The following CCSER2 variants were observed in gnomAD, a reference collection of about 807,000 sequenced individuals.
CCSER2 encodes serine-rich coiled-coil domain-containing protein 2.
Under a neutral mutation model 92.3 loss-of-function variants are expected in CCSER2, and 46 were observed. That is an observed-to-expected ratio of 0.50 (90% confidence interval 0.39 to 0.64). The LOEUF (loss-of-function observed/expected upper bound fraction) is 0.64. Among genes scored for constraint, CCSER2 ranks in the 30% least tolerant of loss-of-function variants. The pLI, the probability that CCSER2 is intolerant of heterozygous loss-of-function variation, is 0.00. For synonymous variants in CCSER2, 433 were observed against 431.4 expected, an observed-to-expected ratio of 1.00 and a Z score of -0.04; for missense variants, 1,244 against 1,238.9, an observed-to-expected ratio of 1.00 and a Z score of -0.06.
In CCSER2 at chr10:84,515,324, A is replaced by G. The variant is rs1849560925; in HGVS notation, c.*1057A>G. On this transcript the variant is annotated 3_prime_UTR_variant, in exon 10 of 10. Transcript: ENST00000372088. ...ATTTTCTATAGCAAAACAAGTTAAA[A>G]TATTTTGAGAAAAATAACAAATTTA... 2 of 152,652 alleles carry G rather than the reference A, an allele frequency of 1.3e-5. No individual in the cohort carries two copies. Among genetic ancestry groups the G allele is most frequent in the Non-Finnish European group, 2.9e-5 (2 of 68,050 alleles). The allele number at this position is 152,652 out of a possible 1,614,324, so 9.5% of individuals were successfully genotyped here. A position where few individuals can be genotyped will look rare whatever the true frequency, so the allele number is the denominator to read the frequency against.
At chr10:84,406,115 G>C (rs1842363483) in intron 3 of CCSER2, among the ~76,000 whole-genome samples, 1 of 152,172 alleles carries the variant, frequency 6.6e-6, no homozygotes, top group Admixed American at 6.5e-5. Context: ...GCAGTAAAAA[G>C]AAACCAATGA....
intron 3 of CCSER2, among the ~76,000 whole-genome samples, chr10:84,399,043 A>G (rs760110817): frequency 2.0e-5 from 3 of 152,296 alleles, no homozygotes; most frequent in Non-Finnish European, 2.9e-5. Flanking sequence ...TTTAAATTTA[A>G]TTTTTATATA....
At position 84,468,411 on chromosome 10, in the gene CCSER2, T is replaced by A. The variant is rs186136690; in HGVS notation, c.2149-1961T>A. 1.1e-3 allele frequency among the ~76,000 whole-genome samples: 168 copies of A among 152,330 alleles called. 1 individual carries two copies. The highest frequency in any genetic ancestry group is 1.8e-3 in the Admixed American group (28 of 15,302). ...TTGCCCTGATCTAATCACTATAAAT[T>A]ATATGTGTCAAAACATTACTGTGTA... On this transcript the variant is annotated intron_variant, in intron 7 of 9. Transcript: ENST00000372088.
chr10:84,348,105 T>A (rs1390940172), intron 1 of CCSER2, among the ~76,000 whole-genome samples: 4 of 152,094 alleles, frequency 2.6e-5, no homozygotes, highest in African/African-American at 7.2e-5. Flanking sequence ...GGCAGGCGGC[T>A]GGGAGGTGGA....
At chr10:84,417,384 T>C (rs550784506) in intron 3 of CCSER2, among the ~76,000 whole-genome samples, 1 of 152,360 alleles carries the variant, frequency 6.6e-6, no homozygotes, top group African/African-American at 2.4e-5. Flanking sequence ...TTTATGTAAG[T>C]GGTCCAATCC....
rs574647087 is a variant in CCSER2, at chr10:84,502,531, C to G, written c.2326-10918C>G. ...GGACTACAGGCGCCTGCCACTACGC[C>G]CATCTAATTTTTTGTATTTTTAGTA... On this transcript the variant is annotated intron_variant, in intron 9 of 9. Coordinates refer to ENST00000372088, the MANE Select transcript of CCSER2 (RefSeq NM_001284240.2). 2.5e-3 allele frequency among the ~76,000 whole-genome samples: 385 copies of G among 152,138 alleles called. 2 individuals are homozygous for G. Among genetic ancestry groups the G allele is most frequent in the African/African-American group, 8.5e-3 (353 of 41,508 alleles).
intron 9 of CCSER2, among the ~76,000 whole-genome samples, chr10:84,506,621 G>A (rs951022410): frequency 1.3e-5 from 2 of 151,440 alleles, no homozygotes; most frequent in Admixed American, 1.3e-4. Flanking sequence ...GTGAAACCCC[G>A]TCTCTACTAA....
rs113297382 is a variant in CCSER2, at chr10:84,456,739, C to T, written c.2065-7194C>T. 2.7e-3 allele frequency among the ~76,000 whole-genome samples: 413 copies of T among 152,162 alleles called. 2 individuals are homozygous for T. The highest frequency in any genetic ancestry group is 9.2e-3 in the African/African-American group (382 of 41,518). Reference sequence around the variant, plus strand: ...ATGTAACTATTGTTCTGCATTCTTGCTGGCACTTGGTATTATCAGTGTATT... The same window carrying T: ...ATGTAACTATTGTTCTGCATTCTTGTTGGCACTTGGTATTATCAGTGTATT... On this transcript the variant is annotated intron_variant, in intron 6 of 9. Coordinates refer to ENST00000372088, the MANE Select transcript of CCSER2 (RefSeq NM_001284240.2).
chr10:84,346,329 G>T (rs1446348589), intron 1 of CCSER2, among the ~76,000 whole-genome samples: 1 of 152,040 alleles, frequency 6.6e-6, no homozygotes, highest in Non-Finnish European at 1.5e-5. Context: ...CTCCCAAAGT[G>T]CTGGGATTAC....
rs568439916 is a variant in CCSER2 at position 84,516,988 on chromosome 10, G to A, written c.*2721G>A. The stretch of plus-strand genomic sequence containing the variant: ...TAAATGTTAAGTCTGAAATGGAAGT[G>A]AGGATGTAACTCTACTGAATAATCA... On this transcript the variant is annotated 3_prime_UTR_variant, in exon 10 of 10. Transcript: ENST00000372088. 16 of 152,318 alleles carry A rather than the reference G, an allele frequency of 1.1e-4. No homozygotes were observed. The East Asian group carries it at 3.1e-3, about 29-fold the overall frequency. The allele number at this position is 152,318 out of a possible 1,614,324, so 9.4% of individuals were successfully genotyped here.
chr10:84,422,783 G>A lies in CCSER2; in HGVS notation c.1706-2948G>A, dbSNP rs140855816. On this transcript the variant is annotated intron_variant, in intron 4 of 9. Transcript: ENST00000372088. ...ATTTATCAGTCTCTGGGTCAGGGGC[G>A]GTGGCTCACGCATGTAATTCCAGCA... 2.0e-4 allele frequency among the ~76,000 whole-genome samples: 31 copies of A among 152,174 alleles called. No individual in the cohort carries two copies. The East Asian group carries it at 5.8e-3, about 28-fold the overall frequency.
chr10:84,465,239 T>TTGTGTG (rs59254139), intron 7 of CCSER2, among the ~76,000 whole-genome samples: 13 of 106,786 alleles, frequency 1.2e-4, no homozygotes, highest in Non-Finnish European at 2.1e-4. Context: ...TTTCCTGAAT[T>TTGTGTG]TGTGTGTGTG....
chr10:84,446,179 G>T (rs758220904), intron 6 of CCSER2, among the ~76,000 whole-genome samples: 21 of 152,140 alleles, frequency 1.4e-4, no homozygotes, highest in Non-Finnish European at 2.5e-4. Context: ...GGAAAGGCAT[G>T]ATGATACCTC....
chr10:84,481,204 C>T (rs1030583137), intron 9 of CCSER2, among the ~76,000 whole-genome samples: 35 of 152,118 alleles, frequency 2.3e-4, no homozygotes, highest in Non-Finnish European at 1.0e-4. Flanking sequence ...CCCACACTAT[C>T]ATTTCAGGTG....
rs541534126 is a variant in CCSER2, at chr10:84,371,205, C to G, written c.153C>G (p.Ile51Met). The G allele has an allele frequency of 6.2e-7, 1 of 1,613,080 alleles. No homozygotes were observed. Among genetic ancestry groups the G allele is most frequent in the African/African-American group, 1.3e-5 (1 of 74,972 alleles). Residue 51 changes from isoleucine to methionine, a missense_variant, in exon 2 of 10, where the codon ATC becomes ATG. Coordinates refer to ENST00000372088, the MANE Select transcript of CCSER2 (RefSeq NM_001284240.2). ...TSKNSNVKSY[I>M]KNNGSDCPSS... ...AGAATAGTAATGTCAAAAGTTACAT[C>G]AAAAATAATGGCTCTGATTGTCCAT...
At chr10:84,366,832 A>C (rs996123987) in intron 1 of CCSER2, among the ~76,000 whole-genome samples, 1 of 152,224 alleles carries the variant, frequency 6.6e-6, no homozygotes, top group Admixed American at 6.5e-5. Context: ...TTGCTTTAAG[A>C]AGATAACTGC....
chr10:84,468,702 T>A (rs1846600713), intron 7 of CCSER2, among the ~76,000 whole-genome samples: 1 of 151,738 alleles, frequency 6.6e-6, no homozygotes, highest in South Asian at 2.1e-4. Context: ...ATTCCCGTTG[T>A]CCTCTTACAG....
intron 3 of CCSER2, among the ~76,000 whole-genome samples, chr10:84,412,894 T>C (rs951991947): frequency 6.6e-6 from 1 of 152,192 alleles, no homozygotes; most frequent in Non-Finnish European, 1.5e-5. Context: ...TGTCCAGGAA[T>C]TTATCTGTTT....
intron 6 of CCSER2, among the ~76,000 whole-genome samples, chr10:84,457,061 C>T (rs553394656): frequency 2.6e-4 from 39 of 149,632 alleles, no homozygotes; most frequent in Non-Finnish European, 5.3e-4. Flanking sequence ...GAGGTAATAA[C>T]CCTGCACCTT....
Sources: gnomAD v4.1 joint callset for allele counts (sites outside exome capture counted in the v4.1 genomes callset) on GRCh38, gnomAD v4.1.1 for gene constraint, MANE v1.5 for transcripts, NCBI Gene and HGNC (gene_info 2026-07-23, HGNC 2026-07-21) for gene names.